VWA2: variants seen among roughly 807,000 people sequenced by gnomAD.
VWA2 encodes von Willebrand factor A domain-containing protein 2.
VWA2 carries 73 observed loss-of-function variants against 70.4 expected under a neutral mutation model. The ratio of observed to expected loss-of-function variants is 1.04; its 90% CI spans 0.86 to 1.26. The LOEUF is 1.26. Among genes scored for constraint, VWA2 ranks in the 50% most tolerant of loss-of-function variants. The pLI, the probability that VWA2 is intolerant of heterozygous loss-of-function variation, is 0.00. For synonymous variants in VWA2, 407 were observed against 423.3 expected, an observed-to-expected ratio of 0.96 and a Z score of 0.47; for missense variants, 1,011 against 998.5, an observed-to-expected ratio of 1.01 and a Z score of -0.17.
chr10:114,266,895 CT>C (rs1292069530), intron 5 of VWA2, among the ~76,000 whole-genome samples: 12 of 151,964 alleles, frequency 7.9e-5, no homozygotes, highest in South Asian at 6.3e-4. Flanking sequence ...GCATTTTGTC[CT>C]TTTTTTTCCC....
At chr10:114,249,835 T>G (rs1301346517) in intron 2 of VWA2, among the ~76,000 whole-genome samples, 1 of 152,156 alleles carries the variant, frequency 6.6e-6, no homozygotes, top group Non-Finnish European at 1.5e-5. Flanking sequence ...CAGCTAAAAC[T>G]TTTCAGTGAC....
At chr10:114,282,755 A>G (rs777571268) in intron 9 of VWA2, among the ~76,000 whole-genome samples, 184 bp downstream of exon 9, 11 of 152,214 alleles carry the variant, frequency 7.2e-5, no homozygotes, top group Admixed American at 3.3e-4. Flanking sequence ...TTTGCTCATT[A>G]AGAATGGAGT....
rs1163860538 is a variant in VWA2 at position 114,293,393 on chromosome 10, C to T, written c.*2156C>T. Among the ~76,000 whole-genome samples, 2 of 152,160 alleles carry T rather than the reference C, an allele frequency of 1.3e-5. No individual in the cohort carries two copies. The highest frequency in any genetic ancestry group is 1.3e-4 in the Admixed American group (2 of 15,284). ...GTATTTGGGTGCCCTGATTGAATTA[C>T]TTGGATTTAAACAGCAAACTGTGGG... On this transcript the variant is annotated 3_prime_UTR_variant, in exon 14 of 14. Coordinates refer to ENST00000392982, the MANE Select transcript of VWA2 (RefSeq NM_001272046.2).
At chr10:114,279,809 T>G (rs2037977251) in intron 8 of VWA2, among the ~76,000 whole-genome samples, 2 of 152,152 alleles carry the variant, frequency 1.3e-5, no homozygotes, top group Non-Finnish European at 2.9e-5. Context: ...AGGAGGGCAT[T>G]GGAAAAGGAG....
At chr10:114,241,978 T>C (rs1020488949) in intron 1 of VWA2, among the ~76,000 whole-genome samples, 1 of 149,342 alleles carries the variant, frequency 6.7e-6, no homozygotes, top group Admixed American at 6.8e-5. Context: ...TGTTTCTGTA[T>C]AACCCCAAGG....
At chr10:114,280,146 G>A (rs771888922) in intron 8 of VWA2, among the ~76,000 whole-genome samples, 5 of 152,186 alleles carry the variant, frequency 3.3e-5, no homozygotes, top group South Asian at 2.1e-4. Context: ...GAGAACAGGC[G>A]GTGATTTAAT....
chr10:114,246,736 A>G, intron 1 of VWA2: 1 of 1,508,214 alleles, frequency 6.6e-7, no homozygotes. Context: ...CAGGGGGAGA[A>G]ATCCTTGAAC....
At chr10:114,272,122 G>C (rs2037723215) in intron 5 of VWA2, among the ~76,000 whole-genome samples, 1 of 152,240 alleles carries the variant, frequency 6.6e-6, no homozygotes, top group Non-Finnish European at 1.5e-5. Flanking sequence ...GTGAGGATGA[G>C]AGGATCTCAA....
rs374994088 is a variant in VWA2 at position 114,275,634 on chromosome 10, C to A, written c.567-2280C>A. ...ATGGACTGATAACTTTTTAAAAATACAATAAAAATGAGGCCGGGCATGGTG... is the reference window on the plus strand; with the variant it reads ...ATGGACTGATAACTTTTTAAAAATAAAATAAAAATGAGGCCGGGCATGGTG... On this transcript the variant is annotated intron_variant, in intron 6 of 13. Coordinates refer to ENST00000392982, the MANE Select transcript of VWA2 (RefSeq NM_001272046.2). Among the ~76,000 whole-genome samples, 20 of 152,140 alleles carry A rather than the reference C, an allele frequency of 1.3e-4. No individual in the cohort carries two copies. In the East Asian group the frequency reaches 3.9e-3, roughly 29 times the overall value.
intron 5 of VWA2, among the ~76,000 whole-genome samples, chr10:114,269,345 C>T (rs1216351367): frequency 6.6e-6 from 1 of 152,180 alleles, no homozygotes; most frequent in Non-Finnish European, 1.5e-5. Flanking sequence ...CTTTGGGAGG[C>T]CAGGGCGGGC....
At chr10:114,247,161 G>GA (rs1225907078) in intron 1 of VWA2, among the ~76,000 whole-genome samples, 2 of 151,314 alleles carry the variant, frequency 1.3e-5, no homozygotes, top group Admixed American at 6.6e-5. Flanking sequence ...AAAGCTGTTG[G>GA]AATGAGGATG....
intron 3 of VWA2, among the ~76,000 whole-genome samples, chr10:114,254,703 C>G (rs1046127566): frequency 2.6e-5 from 4 of 152,152 alleles, no homozygotes; most frequent in African/African-American, 9.7e-5. Context: ...TATTGTAATA[C>G]AAAGGCTTTC....
chr10:114,283,281 A>C (rs921220778), intron 9 of VWA2, among the ~76,000 whole-genome samples: 6 of 151,086 alleles, frequency 4.0e-5, no homozygotes, highest in African/African-American at 1.5e-4. Flanking sequence ...AGTTAGACAC[A>C]CAGGCAGGCA....
At chr10:114,257,596 C>G (rs910631788) in intron 4 of VWA2, among the ~76,000 whole-genome samples, 2 of 152,172 alleles carry the variant, frequency 1.3e-5, no homozygotes, top group East Asian at 3.8e-4. Flanking sequence ...TGACTCAGCC[C>G]AGGACTTGCT....
chr10:114,288,928 G>T lies in VWA2; in HGVS notation c.1571-10G>T. 2 of 1,591,224 alleles carry T rather than the reference G, an allele frequency of 1.3e-6. No homozygotes were observed. Among genetic ancestry groups the T allele is most frequent in the Non-Finnish European group, 1.7e-6 (2 of 1,166,726 alleles). Reference sequence around the variant, plus strand: ...ATCCACTGCTGAAGCCCCTCTGCTTGCTCCTGCAGGGTGCCGGACACAAGC... The same window carrying T: ...ATCCACTGCTGAAGCCCCTCTGCTTTCTCCTGCAGGGTGCCGGACACAAGC... On this transcript the variant is annotated splice_polypyrimidine_tract_variant and intron_variant, in intron 11 of 13. Transcript: ENST00000392982.
At chr10:114,256,876 C>T (rs1367845747) in intron 4 of VWA2, among the ~76,000 whole-genome samples, 1 of 144,460 alleles carries the variant, frequency 6.9e-6, no homozygotes, top group Non-Finnish European at 1.5e-5. Flanking sequence ...TGCCACTGCA[C>T]TCCAGCCTGG....
At chr10:114,267,796 C>G (rs74236195) in intron 5 of VWA2, among the ~76,000 whole-genome samples, 9,310 of 152,060 alleles carry the variant, frequency 0.061, 330 homozygotes, top group Non-Finnish European at 0.079. Flanking sequence ...TCAGAATGAC[C>G]TGCAGGAAGG....
chr10:114,251,534 A>AT (rs1030472732), intron 2 of VWA2, among the ~76,000 whole-genome samples: 9 of 152,128 alleles, frequency 5.9e-5, no homozygotes, highest in South Asian at 2.1e-4. Context: ...AAGAAACTGT[A>AT]TTTTTCTGTT....
chr10:114,266,976 T>C lies in VWA2; in HGVS notation c.371+5681T>C, dbSNP rs568297256. Among the ~76,000 whole-genome samples the C allele has an allele frequency of 3.9e-5, 6 of 152,348 alleles. No individual in the cohort carries two copies. In the East Asian group the frequency reaches 9.6e-4, roughly 24 times the overall value. On this transcript the variant is annotated intron_variant, in intron 5 of 13. Coordinates refer to ENST00000392982, the MANE Select transcript of VWA2 (RefSeq NM_001272046.2). Reference sequence around the variant, plus strand: ...TTTTCATGTTGATTGTTTTTAATGATTATTTAATAATCCAAGTTCAGGTAT... The same window carrying C: ...TTTTCATGTTGATTGTTTTTAATGACTATTTAATAATCCAAGTTCAGGTAT...
Sources: gnomAD v4.1 joint callset for allele counts (sites outside exome capture counted in the v4.1 genomes callset) on GRCh38, gnomAD v4.1.1 for gene constraint, MANE v1.5 for transcripts, NCBI Gene and HGNC (gene_info 2026-07-23, HGNC 2026-07-21) for gene names.